Variants in MTHFD1L observed in about 807,000 individuals in gnomAD.
MTHFD1L encodes monofunctional C1-tetrahydrofolate synthase, mitochondrial.
Under a neutral mutation model 119.5 loss-of-function variants are expected in MTHFD1L, and 81 were observed. The observed-to-expected ratio is 0.68, with a 90% CI of 0.57 to 0.82. MTHFD1L has a LOEUF of 0.82. MTHFD1L is among the 40% of genes least tolerant of loss of function. The pLI is 0.00. For synonymous variants in MTHFD1L, 430 were observed against 475.2 expected, an observed-to-expected ratio of 0.90 and a Z score of 1.24; for missense variants, 1,125 against 1,253.4, an observed-to-expected ratio of 0.90 and a Z score of 1.55.
chr6:150,969,718 T>G (rs1797759074), intron 19 of MTHFD1L, among the ~76,000 whole-genome samples: 1 of 152,168 alleles, frequency 6.6e-6, no homozygotes. Flanking sequence ...AGGATAAGCA[T>G]GCATTTGTAG....
chr6:150,962,180 G>A (rs977143877), intron 18 of MTHFD1L, among the ~76,000 whole-genome samples: 1 of 151,938 alleles, frequency 6.6e-6, no homozygotes, highest in Non-Finnish European at 1.5e-5. Flanking sequence ...AGTAGAGATG[G>A]GGTTTCACCA....
In MTHFD1L at chr6:151,090,971, C is replaced by CCCATGCGACTGGGTGCAGCATCGTT. The variant is rs1794348110; in HGVS notation, c.2848-1447_2848-1423dup. Among the ~76,000 whole-genome samples, 8 of 51,058 alleles carry CCCATGCGACTGGGTGCAGCATCGTT rather than the reference C, an allele frequency of 1.6e-4. 1 individual carries two copies. The highest frequency in any genetic ancestry group is 4.8e-4 in the Admixed American group (2 of 4,146). The allele number at this position is 51,058 out of a possible 152,430, so 33.5% of individuals were successfully genotyped here. Reference sequence around the variant, plus strand: ...TCCATGCGACTGGGTGCAGCATCGCCCCATGCGACTGGGTGCAGCATCGTT... The same window carrying CCCATGCGACTGGGTGCAGCATCGTT: ...TCCATGCGACTGGGTGCAGCATCGCCCCATGCGACTGGGTGCAGCATCGTTCCATGCGACTGGGTGCAGCATCGTT... On this transcript the variant is annotated intron_variant, in intron 26 of 27. Transcript: ENST00000367321.
intron 7 of MTHFD1L, among the ~76,000 whole-genome samples, chr6:150,893,440 TCTC>T (rs1783679954): frequency 6.6e-6 from 1 of 151,916 alleles, no homozygotes; most frequent in Non-Finnish European, 1.5e-5. Context: ...CTATTTAACT[TCTC>T]CTTATTGGCA....
intron 20 of MTHFD1L, among the ~76,000 whole-genome samples, chr6:151,000,332 T>A (rs1415070554): frequency 7.0e-6 from 1 of 142,752 alleles, no homozygotes; most frequent in African/African-American, 2.7e-5. Flanking sequence ...AGAGACTCTG[T>A]CTCAAAAAAA....
intron 13 of MTHFD1L, among the ~76,000 whole-genome samples, chr6:150,941,454 C>A (rs1211069725): frequency 6.6e-6 from 1 of 152,162 alleles, no homozygotes; most frequent in Non-Finnish European, 1.5e-5. Context: ...ATCACCCTGT[C>A]TTCTGTGTGA....
rs552974211 is a variant in MTHFD1L at position 150,936,337 on chromosome 6, T to C, written c.1257-467T>C. The stretch of plus-strand genomic sequence containing the variant: ...GAAGGAGAAGGACAAGTGGGGACTT[T>C]AGGGTCCCTTCTAATCCTGAGAGTC... On this transcript the variant is annotated intron_variant, in intron 11 of 27. Transcript: ENST00000367321. 4.6e-5 allele frequency among the ~76,000 whole-genome samples: 7 copies of C among 152,282 alleles called. 1 individual carries two copies. In the East Asian group the frequency reaches 1.2e-3, roughly 25 times the overall value.
chr6:150,973,873 G>A (rs1280863210), intron 20 of MTHFD1L, among the ~76,000 whole-genome samples: 1 of 152,152 alleles, frequency 6.6e-6, no homozygotes, highest in African/African-American at 2.4e-5. Flanking sequence ...GACTGGTAGT[G>A]TGTTTTCATT....
intron 8 of MTHFD1L, among the ~76,000 whole-genome samples, chr6:150,909,019 C>T (rs1045990303): frequency 1.3e-5 from 2 of 152,046 alleles, no homozygotes; most frequent in African/African-American, 4.8e-5. Flanking sequence ...AGTCCCTCCT[C>T]CTTACCCCCG....
At chr6:151,032,381 G>T (rs1785460703) in intron 24 of MTHFD1L, among the ~76,000 whole-genome samples, 1 of 152,134 alleles carries the variant, frequency 6.6e-6, no homozygotes. Flanking sequence ...AAGAGATGGG[G>T]TGGGAGGTGC....
chr6:151,068,148 A>G (rs1175596342), intron 26 of MTHFD1L, among the ~76,000 whole-genome samples: 2 of 152,262 alleles, frequency 1.3e-5, no homozygotes, highest in Non-Finnish European at 2.9e-5. Flanking sequence ...AGTAACAGCT[A>G]GAATGCAGAT....
chr6:150,899,219 G>T (rs1353591202), intron 7 of MTHFD1L, among the ~76,000 whole-genome samples: 1 of 152,232 alleles, frequency 6.6e-6, no homozygotes, highest in Admixed American at 6.5e-5. Context: ...CAGGGGAAAA[G>T]TTTGGTAGAA....
chr6:150,959,511 G>A (rs1796129859), intron 17 of MTHFD1L, among the ~76,000 whole-genome samples: 1 of 152,198 alleles, frequency 6.6e-6, no homozygotes, highest in Non-Finnish European at 1.5e-5. Context: ...ATGGGAATAG[G>A]AAGTCCTAGA....
In MTHFD1L at chr6:150,945,541, A is replaced by G. The variant is rs999395412; in HGVS notation, c.1623A>G (p.Lys541=). The G allele has an allele frequency of 1.9e-6, 3 of 1,613,434 alleles. No individual in the cohort carries two copies. The Admixed American group carries it at 5.0e-5, about 27-fold the overall frequency. Residue 541 remains lysine, a splice_region_variant and synonymous_variant, in exon 15 of 28, where the codon AAA becomes AAG. Coordinates refer to ENST00000367321, the MANE Select transcript of MTHFD1L (RefSeq NM_015440.5). ...CAGAAATTCAGCTTGCTCGGCTAAA[A>G]GTAAGTTTCCAGTTAGCAATTCTTT... ...EFSEIQLARL[K]KLGINKTDPS... is the part of the protein sequence containing the mutation.
At chr6:151,009,680 T>TG (rs1781948367) in intron 20 of MTHFD1L, 139 bp from the exon 21 acceptor site, 2 of 993,994 alleles carry the variant, frequency 2.0e-6, no homozygotes, top group African/African-American at 3.3e-5. Flanking sequence ...TCTATGACAA[T>TG]GGGGAAATCA....
intron 16 of MTHFD1L, 60 bp from the exon 17 acceptor site, chr6:150,955,935 A>G: frequency 7.0e-7 from 1 of 1,420,044 alleles, no homozygotes; most frequent in Non-Finnish European, 1.0e-6. Flanking sequence ...ACAATGCCAG[A>G]CACACACCAG....
At chr6:150,919,334 A>C (rs1788518520) in intron 9 of MTHFD1L, among the ~76,000 whole-genome samples, 1 of 151,606 alleles carries the variant, frequency 6.6e-6, no homozygotes, top group Non-Finnish European at 1.5e-5. Flanking sequence ...AGAGATTCTC[A>C]TGCCTCAGCC....
intron 26 of MTHFD1L, among the ~76,000 whole-genome samples, chr6:151,055,534 T>G (rs9478932): frequency 0.4 from 60,694 of 150,440 alleles, 12,468 homozygotes; most frequent in East Asian, 0.56. Context: ...TTTTTTTTTT[T>G]TTTGTTTTTG....
intron 18 of MTHFD1L, among the ~76,000 whole-genome samples, chr6:150,961,275 G>A (rs1207146938): frequency 6.6e-6 from 1 of 151,964 alleles, no homozygotes; most frequent in African/African-American, 2.4e-5. Context: ...TGTATTTTTA[G>A]TAGAGATGGG....
At chr6:151,073,004 C>A (rs1792102550) in intron 26 of MTHFD1L, among the ~76,000 whole-genome samples, 1 of 152,026 alleles carries the variant, frequency 6.6e-6, no homozygotes, top group Admixed American at 6.6e-5. Flanking sequence ...AAAACAGTGG[C>A]CCCTGAGAAA....
Sources: gnomAD v4.1 joint callset for allele counts (sites outside exome capture counted in the v4.1 genomes callset) on GRCh38, gnomAD v4.1.1 for gene constraint, MANE v1.5 for transcripts, NCBI Gene and HGNC (gene_info 2026-07-23, HGNC 2026-07-21) for gene names.